The following SGCZ variants were observed in gnomAD, a reference collection of about 807,000 sequenced individuals.
SGCZ encodes zeta-sarcoglycan.
SGCZ carries 40 observed loss-of-function variants against 41.3 expected under a neutral mutation model. That is an observed-to-expected ratio of 0.97 (90% CI 0.75 to 1.26). The LOEUF (loss-of-function observed/expected upper bound fraction) is 1.26. Ranked by LOEUF, SGCZ falls within the 50% of genes most tolerant of loss-of-function variation. SGCZ has a pLI of 0.00. For missense variants in SGCZ, 552 were observed against 369.8 expected, an observed-to-expected ratio of 1.49 and a Z score of -4.04; for synonymous variants, 206 against 137.5, an observed-to-expected ratio of 1.50 and a Z score of -3.49.
At chr8:14,610,904 C>T (rs1417012545) in intron 1 of SGCZ, among the ~76,000 whole-genome samples, 1 of 152,078 alleles carries the variant, frequency 6.6e-6, no homozygotes, top group Non-Finnish European at 1.5e-5. Context: ...GGAATTGTAA[C>T]CCAATAGTTT....
chr8:14,167,709 A>G (rs1222338863), intron 4 of SGCZ, among the ~76,000 whole-genome samples: 1 of 152,190 alleles, frequency 6.6e-6, no homozygotes, highest in Non-Finnish European at 1.5e-5. Context: ...TTCTTAAAAG[A>G]ACAAACCACC....
At chr8:14,229,819 A>C (rs1264374355) in intron 4 of SGCZ, among the ~76,000 whole-genome samples, 1 of 152,110 alleles carries the variant, frequency 6.6e-6, no homozygotes, top group Non-Finnish European at 1.5e-5. Context: ...CAGGGTCTTT[A>C]AATATTTATT....
intron 1 of SGCZ, among the ~76,000 whole-genome samples, chr8:14,663,295 G>A (rs1028840573): frequency 1.3e-5 from 2 of 152,096 alleles, no homozygotes; most frequent in Non-Finnish European, 2.9e-5. Flanking sequence ...CATAATAAAT[G>A]CTCTTTTTAC....
At chr8:14,365,594 C>G (rs1287453402) in intron 2 of SGCZ, among the ~76,000 whole-genome samples, 1 of 152,026 alleles carries the variant, frequency 6.6e-6, no homozygotes, top group African/African-American at 2.4e-5. Context: ...AATTACTATT[C>G]TCTTGAAAAG....
intron 3 of SGCZ, among the ~76,000 whole-genome samples, chr8:14,256,545 T>C (rs1408712496): frequency 7.0e-6 from 1 of 142,376 alleles, no homozygotes; most frequent in Non-Finnish European, 1.6e-5. Context: ...GTTTTTGATG[T>C]TCAGTTGGAA....
intron 1 of SGCZ, among the ~76,000 whole-genome samples, chr8:14,579,557 T>C (rs1258811491): frequency 6.6e-6 from 1 of 152,234 alleles, no homozygotes; most frequent in Non-Finnish European, 1.5e-5. Flanking sequence ...GGAAATTTTA[T>C]ACAAATATGG....
intron 1 of SGCZ, among the ~76,000 whole-genome samples, chr8:14,873,115 G>A (rs1381391305): frequency 2.0e-5 from 3 of 152,098 alleles, no homozygotes; most frequent in African/African-American, 4.8e-5. Flanking sequence ...ACTTAATAAT[G>A]GAGTGAAGTG....
chr8:14,228,525 TAATAA>T, intron 4 of SGCZ, among the ~76,000 whole-genome samples: 1 of 152,218 alleles, frequency 6.6e-6, no homozygotes, highest in Non-Finnish European at 1.5e-5. Flanking sequence ...ATTATCAAAT[TAATAA>T]AATGTTTATT....
At chr8:14,356,207 T>C (rs2117117777) in intron 2 of SGCZ, among the ~76,000 whole-genome samples, 1 of 152,286 alleles carries the variant, frequency 6.6e-6, no homozygotes, top group South Asian at 2.1e-4. Context: ...AGCCACGATG[T>C]TCGGTAGATT....
intron 1 of SGCZ, among the ~76,000 whole-genome samples, chr8:14,814,280 G>C (rs1801828621): frequency 6.6e-6 from 1 of 152,012 alleles, no homozygotes; most frequent in Non-Finnish European, 1.5e-5. Context: ...TCCTTAAATG[G>C]TCAGCCTAAA....
intron 1 of SGCZ, among the ~76,000 whole-genome samples, chr8:14,589,102 T>A (rs540868973): frequency 1.3e-5 from 2 of 152,232 alleles, no homozygotes; most frequent in Non-Finnish European, 1.5e-5. Context: ...TTATTAAAAA[T>A]GCAGCACACC....
chr8:14,476,169 G>T (rs1305507397), intron 2 of SGCZ, among the ~76,000 whole-genome samples: 1 of 152,096 alleles, frequency 6.6e-6, no homozygotes, highest in Non-Finnish European at 1.5e-5. Context: ...ATTTCTGGGA[G>T]TTTTTGTGAG....
chr8:15,221,529 C>T (rs1432681284), intron 1 of SGCZ, among the ~76,000 whole-genome samples: 1 of 152,114 alleles, frequency 6.6e-6, no homozygotes, highest in African/African-American at 2.4e-5. Flanking sequence ...CCAGGTCTAT[C>T]CTATCATAGG....
chr8:14,386,991 A>G (rs919470200), intron 2 of SGCZ, among the ~76,000 whole-genome samples: 1 of 152,236 alleles, frequency 6.6e-6, no homozygotes, highest in African/African-American at 2.4e-5. Context: ...GAAAGATTTG[A>G]TGTTTGCCAA....
rs1335270085 is a variant in SGCZ at position 14,704,449 on chromosome 8, A to G, written c.40-149523T>C. Among the ~76,000 whole-genome samples the G allele has an allele frequency of 2.6e-5, 4 of 151,962 alleles. No homozygotes were observed. In the East Asian group the frequency reaches 7.7e-4, roughly 29 times the overall value. The stretch of plus-strand genomic sequence containing the variant: ...ATTTTGATAAGTTTTTCAAAAGGCA[A>G]TATTTTTCTTTCTTGTCAAATTTCA... On this transcript the variant is annotated intron_variant, in intron 1 of 7. Coordinates refer to ENST00000382080, the MANE Select transcript of SGCZ (RefSeq NM_139167.4).
intron 1 of SGCZ, among the ~76,000 whole-genome samples, chr8:14,853,960 C>T (rs982875089): frequency 3.4e-5 from 5 of 146,868 alleles, no homozygotes; most frequent in South Asian, 2.2e-4. Context: ...TATCAAAGGT[C>T]GAAATTTGCC....
At chr8:14,286,551 C>G (rs182856690) in intron 3 of SGCZ, among the ~76,000 whole-genome samples, 1 of 152,204 alleles carries the variant, frequency 6.6e-6, no homozygotes, top group Non-Finnish European at 1.5e-5. Context: ...TAGTTTATAT[C>G]TAACAATATA....
rs769525864 is a variant in SGCZ, at chr8:14,819,532, A to G, written c.40-264606T>C. ...GAGAAGGATAATTATCACAAAACAC[A>G]TGAAAGTATGAAACTCTCCAACAAA... is the stretch of plus-strand genomic sequence containing the variant. On this transcript the variant is annotated intron_variant, in intron 1 of 7. Transcript: ENST00000382080. Among the ~76,000 whole-genome samples, 9 of 152,156 alleles carry G rather than the reference A, an allele frequency of 5.9e-5. No homozygotes were observed. The South Asian group carries it at 6.2e-4, about 10-fold the overall frequency.
intron 4 of SGCZ, among the ~76,000 whole-genome samples, chr8:14,211,289 T>C (rs1207503309): frequency 6.6e-6 from 1 of 152,060 alleles, no homozygotes; most frequent in Non-Finnish European, 1.5e-5. Flanking sequence ...TGCAGATGGG[T>C]GTCTCCTCCA....
Sources: gnomAD v4.1 joint callset for allele counts (sites outside exome capture counted in the v4.1 genomes callset) on GRCh38, gnomAD v4.1.1 for gene constraint, MANE v1.5 for transcripts, NCBI Gene and HGNC (gene_info 2026-07-23, HGNC 2026-07-21) for gene names.